Variants in GALNT13 observed in about 807,000 individuals in gnomAD.
GALNT13 encodes UDP-GalNAc:polypeptide N-acetylgalactosaminyltransferase 13.
GALNT13 carries 28 observed loss-of-function variants against 64.2 expected under a neutral mutation model. That is an observed-to-expected ratio of 0.44 (90% CI 0.32 to 0.60). The LOEUF is 0.60. Ranked by LOEUF, GALNT13 falls within the 20% of genes least tolerant of loss-of-function variation. The pLI, the probability that GALNT13 is intolerant of heterozygous loss-of-function variation, is 0.05. For synonymous variants in GALNT13, 214 were observed against 224.6 expected, an observed-to-expected ratio of 0.95 and a Z score of 0.42; for missense variants, 577 against 669.8, an observed-to-expected ratio of 0.86 and a Z score of 1.53.
At chr2:153,830,005 T>C in the GALNT13 span, among the ~76,000 whole-genome samples, 1 of 152,186 alleles carries the variant, frequency 6.6e-6, no homozygotes, top group Non-Finnish European at 1.5e-5. Flanking sequence ...CTAAAAATTG[T>C]ATATCTTAGT....
At chr2:153,725,707 G>C in the GALNT13 span, among the ~76,000 whole-genome samples, 1 of 150,846 alleles carries the variant, frequency 6.6e-6, no homozygotes, top group Non-Finnish European at 1.5e-5. Context: ...TACTTTTGAG[G>C]AAGATGGATG....
chr2:153,648,189 G>C, the GALNT13 span, among the ~76,000 whole-genome samples: 4 of 152,142 alleles, frequency 2.6e-5, no homozygotes, highest in East Asian at 1.9e-4. Flanking sequence ...CACATCGCTT[G>C]TAAGTTGGAT....
At chr2:153,509,205 A>G in the GALNT13 span, among the ~76,000 whole-genome samples, 36 of 152,346 alleles carry the variant, frequency 2.4e-4, no homozygotes, top group African/African-American at 7.7e-4. Context: ...GCGGGGAAAC[A>G]GGAGCTTCCA....
chr2:154,260,125 A>G (rs1303359598), intron 8 of GALNT13, among the ~76,000 whole-genome samples: 1 of 151,758 alleles, frequency 6.6e-6, no homozygotes, highest in Non-Finnish European at 1.5e-5. Flanking sequence ...AGCTCAAGCA[A>G]TCCACCCCCC....
At chr2:153,816,123 C>G in the GALNT13 span, among the ~76,000 whole-genome samples, 129,947 of 152,178 alleles carry the variant, frequency 0.85, 56,461 homozygotes, top group Non-Finnish European at 0.92. Flanking sequence ...CTGTGATTGT[C>G]GTTATAAGTT....
rs192082076 is a variant in GALNT13, at chr2:153,908,794, C to T, written c.-105+7787C>T. Among the ~76,000 whole-genome samples, 15 of 152,002 alleles carry T rather than the reference C, an allele frequency of 9.9e-5. No homozygotes were observed. The East Asian group carries it at 2.1e-3, about 22-fold the overall frequency. On this transcript the variant is annotated intron_variant, in intron 2 of 12. Transcript: ENST00000392825. ...GTACCATGCCATTTTTTTATTGTAG[C>T]TCTGTAGTATAGTTTGAAGTTGGTA...
the GALNT13 span, among the ~76,000 whole-genome samples, chr2:153,493,126 A>C: frequency 6.6e-6 from 1 of 152,120 alleles, no homozygotes; most frequent in South Asian, 2.1e-4. Context: ...CTAAGAAAAA[A>C]AAGAGCAAAG....
intron 4 of GALNT13, among the ~76,000 whole-genome samples, chr2:154,209,162 A>G (rs756744359): frequency 9.9e-5 from 15 of 152,174 alleles, no homozygotes; most frequent in Non-Finnish European, 1.9e-4. Flanking sequence ...GAGAAAGAGT[A>G]CCAATAAATG....
the GALNT13 span, among the ~76,000 whole-genome samples, chr2:153,787,591 G>T: frequency 1.3e-5 from 2 of 152,026 alleles, no homozygotes; most frequent in African/African-American, 4.8e-5. Flanking sequence ...TCTTAACTAG[G>T]GTGAGTTTGC....
At chr2:153,306,936 A>T in the GALNT13 span, among the ~76,000 whole-genome samples, 1 of 152,174 alleles carries the variant, frequency 6.6e-6, no homozygotes, top group Non-Finnish European at 1.5e-5. Flanking sequence ...GGGTTTCACC[A>T]TGTTGGCCAG....
At chr2:153,651,061 T>C in the GALNT13 span, among the ~76,000 whole-genome samples, 3 of 152,080 alleles carry the variant, frequency 2.0e-5, no homozygotes, top group African/African-American at 4.8e-5. Flanking sequence ...AAATAACTTA[T>C]AGAGATTTAC....
chr2:153,220,572 G>A, the GALNT13 span, among the ~76,000 whole-genome samples: 107 of 152,314 alleles, frequency 7.0e-4, 1 homozygote, highest in South Asian at 1.7e-3. Context: ...AAGGAAAGGG[G>A]TGCAAGATGC....
the GALNT13 span, among the ~76,000 whole-genome samples, chr2:153,418,875 A>G: frequency 3.3e-5 from 5 of 152,212 alleles, no homozygotes; most frequent in South Asian, 2.1e-4. Flanking sequence ...AAATAAATAA[A>G]TAAGGTAAAA....
At chr2:153,751,999 T>A in the GALNT13 span, among the ~76,000 whole-genome samples, 1 of 152,010 alleles carries the variant, frequency 6.6e-6, no homozygotes, top group Non-Finnish European at 1.5e-5. Context: ...ATTCATTGTA[T>A]GTTTTTTGGT....
chr2:154,409,117 G>C, intron 11 of GALNT13, 35 bp downstream of exon 11: 1 of 1,259,542 alleles, frequency 7.9e-7, no homozygotes, highest in Non-Finnish European at 1.2e-6. Context: ...TCATGTTTTA[G>C]AGGGAAAATA....
the GALNT13 span, among the ~76,000 whole-genome samples, chr2:153,146,100 A>G: frequency 1.1e-3 from 160 of 151,668 alleles, no homozygotes; most frequent in African/African-American, 3.7e-3. Context: ...ATCAGGACCT[A>G]TGTCCATTGC....
intron 9 of GALNT13, among the ~76,000 whole-genome samples, chr2:154,330,461 G>C (rs1574099115): frequency 6.6e-6 from 1 of 152,200 alleles, no homozygotes; most frequent in East Asian, 1.9e-4. Flanking sequence ...GCTAAATATG[G>C]TAAGACAGAC....
At chr2:153,497,018 AAAG>A in the GALNT13 span, among the ~76,000 whole-genome samples, 8 of 151,676 alleles carry the variant, frequency 5.3e-5, no homozygotes, top group Admixed American at 2.6e-4. Context: ...AAAAAAGAAA[AAAG>A]AAAAAAAAGA....
the GALNT13 span, among the ~76,000 whole-genome samples, chr2:153,590,917 A>G: frequency 2.0e-5 from 3 of 152,110 alleles, no homozygotes; most frequent in Admixed American, 1.3e-4. Context: ...TGAGATAAGG[A>G]TGCTAATTTT....
Sources: gnomAD v4.1 joint callset for allele counts (sites outside exome capture counted in the v4.1 genomes callset) on GRCh38, gnomAD v4.1.1 for gene constraint, MANE v1.5 for transcripts, NCBI Gene and HGNC (gene_info 2026-07-23, HGNC 2026-07-21) for gene names.